L3MBTL4: variants seen among roughly 807,000 people sequenced by gnomAD.
L3MBTL4 encodes L3MBTL histone methyl-lysine binding protein 4.
Under a neutral mutation model 84.5 loss-of-function variants are expected in L3MBTL4, and 70 were observed. The observed-to-expected ratio is 0.83, with a 90% CI of 0.68 to 1.01. The LOEUF is 1.01. L3MBTL4 is among the 50% of genes least tolerant of loss of function. The probability of loss-of-function intolerance (pLI) is 0.00; values close to 1 mark genes in which losing one functional copy is unlikely to be tolerated. For synonymous variants in L3MBTL4, 274 were observed against 259.8 expected (o/e 1.05, Z -0.52); for missense variants, 715 against 754.8 (o/e 0.95, Z 0.62).
intron 1 of L3MBTL4, among the ~76,000 whole-genome samples, chr18:6,385,595 A>T (rs192929559): frequency 9.1e-4 from 139 of 152,318 alleles, no homozygotes; most frequent in Non-Finnish European, 1.7e-3. Flanking sequence ...CACTTGGTTA[A>T]CCACTCTTCA....
At chr18:5,978,563 C>A (rs989722523) in intron 16 of L3MBTL4, among the ~76,000 whole-genome samples, 1 of 152,126 alleles carries the variant, frequency 6.6e-6, no homozygotes, top group Non-Finnish European at 1.5e-5. Flanking sequence ...TTTGAAGTTT[C>A]TTCTTTTTAG....
At chr18:6,144,066 A>G (rs113954198) in intron 13 of L3MBTL4, among the ~76,000 whole-genome samples, 15,273 of 151,816 alleles carry the variant, frequency 0.1, 821 homozygotes, top group Middle Eastern at 0.16. Flanking sequence ...GCATGGTGGC[A>G]GGCCCTGTAG....
At chr18:6,412,840 C>T (rs1294481388) in intron 1 of L3MBTL4, among the ~76,000 whole-genome samples, 1 of 151,850 alleles carries the variant, frequency 6.6e-6, no homozygotes, top group Non-Finnish European at 1.5e-5. Context: ...TGTTACAGAG[C>T]ACCTAAGATT....
Position 6,189,495 on chromosome 18 carries a change from C to T in L3MBTL4, c.982-17553G>A, listed in dbSNP as rs187700130. On this transcript the variant is annotated intron_variant, in intron 12 of 18. Coordinates refer to ENST00000317931, the MANE Select transcript of L3MBTL4 (RefSeq NM_001330559.2). The stretch of plus-strand genomic sequence containing the variant: ...GTCTCTTTGGCTCTTTTATTCACAA[C>T]ATCCAGCATACATGAAAAAAGAAAC... 8.5e-4 allele frequency among the ~76,000 whole-genome samples: 130 copies of T among 152,216 alleles called. No homozygotes were observed. In the South Asian group the frequency reaches 0.013, roughly 15 times the overall value.
chr18:6,264,595 C>A (rs1022723160), intron 4 of L3MBTL4, among the ~76,000 whole-genome samples: 5 of 152,098 alleles, frequency 3.3e-5, no homozygotes, highest in Admixed American at 3.3e-4. Flanking sequence ...ACCCGCCTGG[C>A]CAATATGGTG....
intron 16 of L3MBTL4, among the ~76,000 whole-genome samples, chr18:6,044,501 T>C (rs1264880183): frequency 4.6e-5 from 7 of 152,174 alleles, no homozygotes; most frequent in Admixed American, 4.6e-4. Context: ...AACAGGACAC[T>C]AGCCAACATG....
At chr18:6,286,913 AG>A (rs1394556815) in intron 4 of L3MBTL4, among the ~76,000 whole-genome samples, 1 of 152,090 alleles carries the variant, frequency 6.6e-6, no homozygotes, top group African/African-American at 2.4e-5. Flanking sequence ...TCTGTTCACA[AG>A]GGTTCTTTTC....
chr18:6,115,156 T>A (rs1427320997), intron 14 of L3MBTL4, among the ~76,000 whole-genome samples: 4 of 152,174 alleles, frequency 2.6e-5, no homozygotes. Context: ...ATGGGCCTTA[T>A]AAGCTGTTTG....
chr18:6,297,139 T>A (rs549508244), intron 4 of L3MBTL4, among the ~76,000 whole-genome samples: 66 of 152,302 alleles, frequency 4.3e-4, no homozygotes, highest in African/African-American at 1.4e-3. Flanking sequence ...TACACAAGAA[T>A]AGTTTCAGTG....
chr18:6,266,754 T>C (rs1012289483), intron 4 of L3MBTL4, among the ~76,000 whole-genome samples: 8 of 152,002 alleles, frequency 5.3e-5, no homozygotes, highest in Admixed American at 4.6e-4. Context: ...TGAAACCCCA[T>C]CTCTCCTAAA....
chr18:6,334,097 G>A (rs72863199), intron 1 of L3MBTL4, among the ~76,000 whole-genome samples: 6,842 of 152,296 alleles, frequency 0.045, 211 homozygotes, highest in Non-Finnish European at 0.068. Context: ...TGGTTCTTAT[G>A]TAGTCATCAC....
chr18:6,224,293 C>T (rs1464977005), intron 10 of L3MBTL4, among the ~76,000 whole-genome samples: 1 of 152,144 alleles, frequency 6.6e-6, no homozygotes, highest in Non-Finnish European at 1.5e-5. Context: ...AAGAAGAACA[C>T]ATAAATCTGT....
At chr18:6,166,584 T>A (rs1213612403) in intron 13 of L3MBTL4, among the ~76,000 whole-genome samples, 1 of 151,816 alleles carries the variant, frequency 6.6e-6, no homozygotes, top group Non-Finnish European at 1.5e-5. Flanking sequence ...GACTACTGGG[T>A]ACATAACAAA....
intron 16 of L3MBTL4, among the ~76,000 whole-genome samples, chr18:6,071,391 TAAA>T (rs769840156): frequency 3.8e-5 from 5 of 129,892 alleles, no homozygotes; most frequent in Admixed American, 7.7e-5. Flanking sequence ...CTCTTTCAAT[TAAA>T]AAAAAAAAAA....
At chr18:6,125,036 ATAAG>A (rs1314150802) in intron 14 of L3MBTL4, among the ~76,000 whole-genome samples, 3 of 152,234 alleles carry the variant, frequency 2.0e-5, no homozygotes, top group Non-Finnish European at 4.4e-5. Flanking sequence ...AATGACTTTG[ATAAG>A]TAAGTAAATG....
intron 14 of L3MBTL4, among the ~76,000 whole-genome samples, chr18:6,133,218 A>G (rs1284672419): frequency 6.6e-6 from 1 of 152,116 alleles, no homozygotes; most frequent in East Asian, 1.9e-4. Flanking sequence ...TTGCTGTCCA[A>G]TACAGTAGCC....
At chr18:6,160,221 C>CCAGGAGA in intron 13 of L3MBTL4, among the ~76,000 whole-genome samples, 1 of 152,186 alleles carries the variant, frequency 6.6e-6, no homozygotes, top group African/African-American at 2.4e-5. Flanking sequence ...CCTAGGGGAT[C>CCAGGAGA]TCCTGGATTA....
At chr18:6,410,485 C>T (rs756536473) in intron 1 of L3MBTL4, among the ~76,000 whole-genome samples, 6 of 151,730 alleles carry the variant, frequency 4.0e-5, no homozygotes, top group Non-Finnish European at 8.8e-5. Context: ...TGCCTCACCC[C>T]TAAGTTCCTT....
intron 8 of L3MBTL4, 122 bp downstream of exon 8, chr18:6,241,236 G>A: frequency 1.5e-6 from 1 of 656,536 alleles, no homozygotes; most frequent in African/African-American, 1.9e-5. Flanking sequence ...TGAGAAAAGT[G>A]ACAGGAAGTT....
Sources: allele counts gnomAD v4.1 joint callset (sites outside exome capture counted in the v4.1 genomes callset), GRCh38; gene constraint gnomAD v4.1.1; transcripts MANE v1.5; gene names NCBI Gene and HGNC (gene_info 2026-07-23, HGNC 2026-07-21).